The following KAZN variants were observed in gnomAD, a reference collection of about 807,000 sequenced individuals.
The protein encoded by KAZN is kazrin, periplakin interacting protein, also known as kazrin.
A neutral mutation model predicts 87.4 loss-of-function variants in KAZN; 40 were observed. The observed-to-expected ratio is 0.46, with a 90% CI of 0.36 to 0.60. The LOEUF (loss-of-function observed/expected upper bound fraction) is 0.60. Among genes scored for constraint, KAZN ranks in the 20% least tolerant of loss-of-function variants. KAZN has a pLI of 0.00. For synonymous variants in KAZN, 466 were observed against 458.3 expected, an observed-to-expected ratio of 1.02 and a Z score of -0.22; for missense variants, 898 against 1,073.9, an observed-to-expected ratio of 0.84 and a Z score of 2.29.
chr1:14,983,523 G>T lies in KAZN; in HGVS notation c.418+22648G>T, dbSNP rs543974311. On this transcript the variant is annotated intron_variant, in intron 2 of 14. Transcript: ENST00000376030. ...TGCAAAGTGACGTGACCCCTGTGGG[G>T]GGAGCAAAATCACATATGCATTTAC... Among the ~76,000 whole-genome samples, 52 of 152,058 alleles carry T rather than the reference G, an allele frequency of 3.4e-4. 1 individual carries two copies. The South Asian group carries it at 0.011, about 31-fold the overall frequency.
rs571569091 is a variant in KAZN at position 13,993,178 on chromosome 1, C to T, written c.91+99422C>T. Among the ~76,000 whole-genome samples, 5 of 152,268 alleles carry T rather than the reference C, an allele frequency of 3.3e-5. No individual in the cohort carries two copies. In the East Asian group the frequency reaches 9.7e-4, roughly 29 times the overall value. The stretch of plus-strand genomic sequence containing the variant: ...CTCTCCCATGGGCAGGAAATAATCC[C>T]AGAAAGAGGTTGCTTCATCAGCCTG... On this transcript the variant is annotated intron_variant, in intron 1 of 16. Coordinates refer to the KAZN transcript ENST00000636203.
At chr1:14,438,394 G>A (rs1666520177) in intron 2 of KAZN, among the ~76,000 whole-genome samples, 1 of 152,184 alleles carries the variant, frequency 6.6e-6, no homozygotes, top group Admixed American at 6.5e-5. Flanking sequence ...CATGTCAGAT[G>A]GGGACAAATC....
At chr1:14,493,100 C>G (rs1669767023) in intron 2 of KAZN, among the ~76,000 whole-genome samples, 1 of 152,136 alleles carries the variant, frequency 6.6e-6, no homozygotes, top group Non-Finnish European at 1.5e-5. Flanking sequence ...TCTGGACCAC[C>G]TCTCTAGGAA....
chr1:14,631,750 T>C (rs1679581830), intron 1 of KAZN, among the ~76,000 whole-genome samples: 1 of 152,260 alleles, frequency 6.6e-6, no homozygotes. Flanking sequence ...AATGAAGTGA[T>C]GAACATCCCC....
At chr1:15,068,665 GC>G (rs1557776980) in intron 8 of KAZN, among the ~76,000 whole-genome samples, 1 of 151,934 alleles carries the variant, frequency 6.6e-6, no homozygotes, top group Non-Finnish European at 1.5e-5. Context: ...GCTTTTCCTA[GC>G]CCCAAGAGAA....
At chr1:14,869,229 C>T (rs928841416) in intron 1 of KAZN, among the ~76,000 whole-genome samples, 1 of 151,830 alleles carries the variant, frequency 6.6e-6, no homozygotes, top group Non-Finnish European at 1.5e-5. Flanking sequence ...ATCTCCACTT[C>T]CCTTTTGCAC....
In KAZN at chr1:14,417,743, T is replaced by C. The variant is rs111468281; in HGVS notation, c.250-181240T>C. Among the ~76,000 whole-genome samples, 867 of 152,096 alleles carry C rather than the reference T, an allele frequency of 5.7e-3. 5 individuals carry two copies. The highest frequency in any genetic ancestry group is 0.02 in the African/African-American group (838 of 41,512). On this transcript the variant is annotated intron_variant, in intron 2 of 16. Coordinates refer to the KAZN transcript ENST00000636203. ...CGGGTGTGGTGGCTCACCCCTGTTA[T>C]CCCAGGACTTTGGGAGGCCAAAGCA...
chr1:14,258,952 G>C (rs1008538071), intron 2 of KAZN, among the ~76,000 whole-genome samples: 12 of 152,236 alleles, frequency 7.9e-5, no homozygotes, highest in Admixed American at 1.3e-4. Flanking sequence ...GCAAAATGCA[G>C]AGTAGCTCCA....
At chr1:14,307,652 G>T (rs755202202) in intron 2 of KAZN, among the ~76,000 whole-genome samples, 7 of 152,188 alleles carry the variant, frequency 4.6e-5, no homozygotes, top group Non-Finnish European at 1.0e-4. Context: ...GTTTATAGCT[G>T]CCCAAGACAG....
chr1:14,740,707 GC>G (rs1200068399), intron 1 of KAZN, among the ~76,000 whole-genome samples: 1 of 152,112 alleles, frequency 6.6e-6, no homozygotes, highest in Non-Finnish European at 1.5e-5. Flanking sequence ...TGCACCTTGG[GC>G]CATTCCTGGG....
At chr1:14,516,309 G>A (rs920518913) in intron 2 of KAZN, among the ~76,000 whole-genome samples, 6 of 152,072 alleles carry the variant, frequency 3.9e-5, no homozygotes, top group Non-Finnish European at 7.4e-5. Context: ...GCTCTCCCTC[G>A]TGGTGGTAAG....
chr1:14,318,530 G>C (rs966126970), intron 2 of KAZN, among the ~76,000 whole-genome samples: 1 of 151,912 alleles, frequency 6.6e-6, no homozygotes, highest in Non-Finnish European at 1.5e-5. Context: ...GCCTTGGTAT[G>C]GTTTTCTTTG....
chr1:14,714,798 T>C lies in KAZN; in HGVS notation c.226+115575T>C, dbSNP rs1442095258. Among the ~76,000 whole-genome samples, 11 of 41,936 alleles carry C rather than the reference T, an allele frequency of 2.6e-4. 1 individual carries two copies. The East Asian group carries it at 0.015, about 56-fold the overall frequency. The allele number at this position is 41,936 out of a possible 152,430, so 27.5% of individuals were successfully genotyped here. ...CTTTTTTCTTTTTCTTTTTTTTTTG[T>C]TTTTTTTTTTTTTTGAGACAGGTTC... On this transcript the variant is annotated intron_variant, in intron 1 of 14. Transcript: ENST00000376030.
chr1:15,111,546 G>C (rs145164800), intron 13 of KAZN, among the ~76,000 whole-genome samples: 2,781 of 152,278 alleles, frequency 0.018, 99 homozygotes, highest in African/African-American at 0.063. Flanking sequence ...CCACAGTGCT[G>C]GGATTACAGG....
chr1:14,468,552 G>A lies in KAZN; in HGVS notation c.250-130431G>A, dbSNP rs556980748. 2.6e-5 allele frequency among the ~76,000 whole-genome samples: 4 copies of A among 152,264 alleles called. No individual in the cohort carries two copies. The South Asian group carries it at 6.2e-4, about 24-fold the overall frequency. ...CTTTTCCCTGCACTGTGCTACCTACGTCATATTGCACATCATGCTATAGCT... is the reference window on the plus strand; with the variant it reads ...CTTTTCCCTGCACTGTGCTACCTACATCATATTGCACATCATGCTATAGCT... On this transcript the variant is annotated intron_variant, in intron 2 of 16. Transcript: ENST00000636203.
At chr1:13,986,322 G>A (rs552117390) in intron 1 of KAZN, among the ~76,000 whole-genome samples, 1 of 152,158 alleles carries the variant, frequency 6.6e-6, no homozygotes, top group Non-Finnish European at 1.5e-5. Context: ...TTTTTGGTTT[G>A]ATGAGATTGG....
intron 1 of KAZN, among the ~76,000 whole-genome samples, chr1:14,912,581 A>T (rs1657370648): frequency 6.6e-6 from 1 of 152,084 alleles, no homozygotes; most frequent in Non-Finnish European, 1.5e-5. Context: ...GGGTTTCACC[A>T]TGTTGCCCAG....
chr1:14,049,057 A>G (rs1454295281), intron 1 of KAZN, among the ~76,000 whole-genome samples: 1 of 152,194 alleles, frequency 6.6e-6, no homozygotes, highest in Non-Finnish European at 1.5e-5. Context: ...AAAGACTTGG[A>G]ACCAACCCAA....
At chr1:14,136,896 C>T (rs578078382) in intron 1 of KAZN, among the ~76,000 whole-genome samples, 1 of 152,238 alleles carries the variant, frequency 6.6e-6, no homozygotes, top group East Asian at 1.9e-4. Flanking sequence ...GGTCATCAAG[C>T]TTTCAGTGGG....
Sources: allele counts gnomAD v4.1 joint callset (sites outside exome capture counted in the v4.1 genomes callset), GRCh38; gene constraint gnomAD v4.1.1; transcripts MANE v1.5; gene names NCBI Gene and HGNC (gene_info 2026-07-23, HGNC 2026-07-21).